Variants in PLCL1 observed in about 807,000 individuals in gnomAD.
The protein encoded by PLCL1 is phospholipase C like 1 (inactive).
PLCL1 carries 41 observed loss-of-function variants against 84.4 expected under a neutral mutation model. That is an observed-to-expected ratio of 0.49 (90% CI 0.38 to 0.63). The LOEUF (loss-of-function observed/expected upper bound fraction) is 0.63, where lower values mean the gene tolerates loss of function less well. PLCL1 is among the 30% of genes least tolerant of loss of function. The pLI, the probability that PLCL1 is intolerant of heterozygous loss-of-function variation, is 0.00. For synonymous variants in PLCL1, 490 were observed against 488.3 expected (o/e 1.00, Z -0.05); for missense variants, 1,206 against 1,367.8 (o/e 0.88, Z 1.87).
intron 1 of PLCL1, among the ~76,000 whole-genome samples, chr2:198,025,750 T>C (rs1416055148): frequency 6.6e-6 from 1 of 152,166 alleles, no homozygotes; most frequent in East Asian, 1.9e-4. Flanking sequence ...GAACTAACCC[T>C]GGACAGCCTG....
At chr2:197,906,778 A>C (rs1274986832) in intron 1 of PLCL1, among the ~76,000 whole-genome samples, 1 of 152,154 alleles carries the variant, frequency 6.6e-6, no homozygotes, top group Non-Finnish European at 1.5e-5. Flanking sequence ...GGTCCTTCAC[A>C]TCCCTTGTAA....
chr2:197,869,853 C>T (rs1687616946), intron 1 of PLCL1, among the ~76,000 whole-genome samples: 1 of 152,146 alleles, frequency 6.6e-6, no homozygotes, highest in African/African-American at 2.4e-5. Context: ...AATTTCATGG[C>T]AAGACTTCTT....
chr2:198,028,408 T>C (rs1344154554), intron 1 of PLCL1, among the ~76,000 whole-genome samples: 1 of 152,168 alleles, frequency 6.6e-6, no homozygotes, highest in African/African-American at 2.4e-5. Flanking sequence ...GGCTTATGGA[T>C]ATATGTAAAT....
chr2:197,839,601 C>T (rs1170262303), intron 1 of PLCL1, among the ~76,000 whole-genome samples: 3 of 152,190 alleles, frequency 2.0e-5, no homozygotes, highest in Non-Finnish European at 4.4e-5. Context: ...CACAGACTGA[C>T]ACCGGTCCGT....
At chr2:197,920,862 G>A (rs1688687262) in intron 1 of PLCL1, among the ~76,000 whole-genome samples, 1 of 152,194 alleles carries the variant, frequency 6.6e-6, no homozygotes. Context: ...TTATGAGCAA[G>A]TTAATTTCCC....
chr2:198,106,356 T>G (rs1693473890), intron 5 of PLCL1, among the ~76,000 whole-genome samples: 1 of 151,930 alleles, frequency 6.6e-6, no homozygotes, highest in Non-Finnish European at 1.5e-5. Context: ...TGCATTGGGC[T>G]CTGTGCTAGG....
chr2:197,808,502 A>G (rs1173844077), intron 1 of PLCL1, among the ~76,000 whole-genome samples: 1 of 152,214 alleles, frequency 6.6e-6, no homozygotes, highest in Non-Finnish European at 1.5e-5. Context: ...TTAGCATAGT[A>G]AAAATGAGTT....
chr2:197,994,176 A>C (rs1347363264), intron 1 of PLCL1, among the ~76,000 whole-genome samples: 2 of 152,178 alleles, frequency 1.3e-5, no homozygotes, highest in Non-Finnish European at 2.9e-5. Context: ...CTCATAGCAC[A>C]CCAGTAACTT....
At chr2:198,100,281 T>C (rs1034068789) in intron 3 of PLCL1, among the ~76,000 whole-genome samples, 1 of 151,846 alleles carries the variant, frequency 6.6e-6, no homozygotes, top group Non-Finnish European at 1.5e-5. Flanking sequence ...GGAAATAATA[T>C]AGGTAAAGAA....
intron 1 of PLCL1, among the ~76,000 whole-genome samples, chr2:197,897,183 C>CT (rs1688163514): frequency 2.2e-4 from 5 of 23,160 alleles, no homozygotes; most frequent in African/African-American, 5.0e-4. Flanking sequence ...TCTTCTTCTT[C>CT]TTCTTCTCCT....
At chr2:197,947,400 G>A (rs1206307339) in intron 1 of PLCL1, among the ~76,000 whole-genome samples, 2 of 151,980 alleles carry the variant, frequency 1.3e-5, no homozygotes, top group Admixed American at 6.6e-5. Flanking sequence ...GGTGTGGGGC[G>A]TGGGAAACAA....
chr2:197,833,344 GAAAT>G (rs911692959), intron 1 of PLCL1, among the ~76,000 whole-genome samples: 2 of 152,150 alleles, frequency 1.3e-5, no homozygotes, highest in Non-Finnish European at 2.9e-5. Flanking sequence ...TCAGGCAAGA[GAAAT>G]AAATAAAGAT....
intron 1 of PLCL1, among the ~76,000 whole-genome samples, chr2:198,006,108 TC>T (rs1690723409): frequency 6.6e-6 from 1 of 152,134 alleles, no homozygotes; most frequent in Admixed American, 6.5e-5. Flanking sequence ...ACCAGTTTCT[TC>T]CCTTCTAGGG....
At chr2:198,096,695 TCAAAA>T (rs1693204569) in intron 3 of PLCL1, among the ~76,000 whole-genome samples, 1 of 152,130 alleles carries the variant, frequency 6.6e-6, no homozygotes, top group South Asian at 2.1e-4. Flanking sequence ...AAAAAGGAAA[TCAAAA>T]CAATCTAGAG....
intron 1 of PLCL1, among the ~76,000 whole-genome samples, chr2:197,855,592 G>T (rs904453398): frequency 2.6e-5 from 4 of 152,058 alleles, no homozygotes; most frequent in Non-Finnish European, 5.9e-5. Flanking sequence ...AATCTAGTTG[G>T]CTGGGTTTTA....
chr2:198,071,043 C>T, intron 1 of PLCL1: 24 of 882,414 alleles, frequency 2.7e-5, no homozygotes, highest in Non-Finnish European at 3.3e-5. Context: ...ATGGTAAGCT[C>T]TCAAGCTCTC....
At chr2:198,117,582 T>G (rs1336047328) in intron 5 of PLCL1, among the ~76,000 whole-genome samples, 3 of 151,852 alleles carry the variant, frequency 2.0e-5, no homozygotes, top group African/African-American at 4.8e-5. Flanking sequence ...CACCGCTTCC[T>G]CATTCCCTTA....
chr2:197,973,988 G>A (rs538664965), intron 1 of PLCL1, among the ~76,000 whole-genome samples: 1 of 152,200 alleles, frequency 6.6e-6, no homozygotes, highest in African/African-American at 2.4e-5. Context: ...CAAGGTTAGT[G>A]GCAGTGGAGA....
chr2:198,051,585 T>TA (rs760031547), intron 1 of PLCL1, among the ~76,000 whole-genome samples: 13 of 152,146 alleles, frequency 8.5e-5, no homozygotes, highest in East Asian at 1.9e-4. Context: ...GATCATATCT[T>TA]AAAAAAACAG....
Sources: allele counts gnomAD v4.1 joint callset (sites outside exome capture counted in the v4.1 genomes callset), GRCh38; gene constraint gnomAD v4.1.1; transcripts MANE v1.5; gene names NCBI Gene and HGNC (gene_info 2026-07-23, HGNC 2026-07-21).